The following MCTP1 variants were observed in gnomAD, a reference collection of about 807,000 sequenced individuals.
MCTP1 encodes multiple C2 and transmembrane domain containing 1, also known as multiple C2 and transmembrane domain-containing protein 1.
Under a neutral mutation model 120.6 loss-of-function variants are expected in MCTP1, and 69 were observed. That is an observed-to-expected ratio of 0.57 (90% CI 0.47 to 0.70). MCTP1 has a LOEUF of 0.70. Among genes scored for constraint, MCTP1 ranks in the 30% least tolerant of loss-of-function variants. The pLI is 0.00. For synonymous variants in MCTP1, 529 were observed against 493.1 expected, an observed-to-expected ratio of 1.07 and a Z score of -0.96; for missense variants, 1,203 against 1,248.8, an observed-to-expected ratio of 0.96 and a Z score of 0.55.
chr5:94,763,713 G>T (rs1771882621), intron 19 of MCTP1, among the ~76,000 whole-genome samples: 1 of 152,006 alleles, frequency 6.6e-6, no homozygotes, highest in African/African-American at 2.4e-5. Context: ...TGGAACAAAA[G>T]CATCATTTTT....
chr5:94,828,769 C>T (rs2153145282), intron 17 of MCTP1, among the ~76,000 whole-genome samples: 1 of 152,260 alleles, frequency 6.6e-6, no homozygotes, highest in Middle Eastern at 3.4e-3. Context: ...GGTACTCAAG[C>T]CTCAGCAATG....
chr5:95,144,786 C>T (rs1402963162), intron 1 of MCTP1, among the ~76,000 whole-genome samples: 1 of 151,754 alleles, frequency 6.6e-6, no homozygotes. Flanking sequence ...TATAATAGTC[C>T]CATGCTGTTT....
At chr5:95,225,063 GA>G (rs886640529) in intron 1 of MCTP1, among the ~76,000 whole-genome samples, 3 of 152,012 alleles carry the variant, frequency 2.0e-5, no homozygotes, top group African/African-American at 7.2e-5. Context: ...CAACCACAGA[GA>G]TTTTTTTTCT....
chr5:95,112,773 A>G (rs2152391331), intron 1 of MCTP1, among the ~76,000 whole-genome samples: 1 of 152,344 alleles, frequency 6.6e-6, no homozygotes, highest in African/African-American at 2.4e-5. Context: ...TTCATCTTAG[A>G]GTCAATGAAA....
chr5:95,284,461 C>A lies in MCTP1; in HGVS notation c.115G>T (p.Gly39Trp). The change falls in exon 1 of 23, where the codon GGG (glycine) becomes TGG (tryptophan). Residue 39 changes from glycine to tryptophan, a missense_variant. Gly to Trp is a radical substitution (Grantham distance 184). Transcript: ENST00000515393. The surrounding 1 kb of genome is among the most constrained non-coding windows in gnomAD (Gnocchi z 5.2). The stretch of plus-strand genomic sequence containing the variant: ...TCTGGACCCCCAGCGCGCCCGCCCC[C>A]GCCGCCCTTGCTCCTGCCCACCCCC... ...QLGVGRSKGG[G>W]GGRAGGPERR... 2 of 1,514,142 alleles carry A rather than the reference C, an allele frequency of 1.3e-6. No homozygotes were observed. The highest frequency in any genetic ancestry group is 1.8e-6 in the Non-Finnish European group (2 of 1,138,816). 93.8% of individuals were successfully genotyped at this position (1,514,142 alleles called of 1,614,324 possible). A position where few individuals can be genotyped will look rare whatever the true frequency, so the allele number is the denominator to read the frequency against.
At chr5:95,119,488 A>T (rs2152404116) in intron 1 of MCTP1, among the ~76,000 whole-genome samples, 1 of 152,270 alleles carries the variant, frequency 6.6e-6, no homozygotes, top group Admixed American at 6.5e-5. Flanking sequence ...AGCAAGAGCA[A>T]ACCAAACCCA....
intron 1 of MCTP1, among the ~76,000 whole-genome samples, chr5:95,149,058 C>T (rs1313191257): frequency 6.6e-6 from 1 of 152,176 alleles, no homozygotes; most frequent in African/African-American, 2.4e-5. Flanking sequence ...TTTTGTATTC[C>T]AGTGTTTGCT....
At position 94,707,185 on chromosome 5, in the gene MCTP1, A is replaced by AGTATTTAAT. The variant is rs1430139391; in HGVS notation, c.*310_*311insATTAAATAC. 6 of 220,332 alleles carry AGTATTTAAT rather than the reference A, an allele frequency of 2.7e-5. No homozygotes were observed. The highest frequency in any genetic ancestry group is 1.4e-4 in the African/African-American group (6 of 43,352). The allele number at this position is 220,332 out of a possible 1,614,324, so 13.6% of individuals were successfully genotyped here. A position where few individuals can be genotyped will look rare whatever the true frequency, so the allele number is the denominator to read the frequency against. Reference sequence around the variant, plus strand: ...CAGAGCACAGGTGAGTATTTAATCCACTAGTAATTAGATAAGAATATATCT... The same window carrying AGTATTTAAT: ...CAGAGCACAGGTGAGTATTTAATCCAGTATTTAATCTAGTAATTAGATAAGAATATATCT... On this transcript the variant is annotated 3_prime_UTR_variant, in exon 23 of 23. Coordinates refer to ENST00000515393, the MANE Select transcript of MCTP1 (RefSeq NM_024717.7).
intron 1 of MCTP1, among the ~76,000 whole-genome samples, chr5:95,265,499 G>A (rs1051564079): frequency 1.8e-4 from 28 of 152,244 alleles, no homozygotes; most frequent in East Asian, 5.8e-4. Context: ...CTTTCTTCAC[G>A]GTGATTTCAG....
At chr5:94,935,633 A>T (rs1224035985) in intron 5 of MCTP1, among the ~76,000 whole-genome samples, 1 of 152,094 alleles carries the variant, frequency 6.6e-6, no homozygotes, top group Non-Finnish European at 1.5e-5. Flanking sequence ...CACAGGCATA[A>T]GAATAAACAT....
chr5:95,177,812 A>G (rs147080197), intron 1 of MCTP1, among the ~76,000 whole-genome samples: 3 of 152,324 alleles, frequency 2.0e-5, no homozygotes, highest in Non-Finnish European at 4.4e-5. Context: ...TTGAGATCAT[A>G]TAAGGAATTA....
At chr5:94,779,688 CCTCT>C (rs1345765474) in intron 18 of MCTP1, among the ~76,000 whole-genome samples, 2 of 152,048 alleles carry the variant, frequency 1.3e-5, no homozygotes, top group South Asian at 2.1e-4. Context: ...TCAAGTCTTG[CCTCT>C]CTCTTTTTGA....
intron 1 of MCTP1, among the ~76,000 whole-genome samples, chr5:95,221,386 C>T (rs939656641): frequency 6.6e-6 from 1 of 152,188 alleles, no homozygotes; most frequent in Non-Finnish European, 1.5e-5. Flanking sequence ...TTGGGCAGAG[C>T]CATCTGTCTG....
chr5:94,882,823 C>T (rs755160629), intron 12 of MCTP1, among the ~76,000 whole-genome samples: 5 of 152,154 alleles, frequency 3.3e-5, no homozygotes, highest in Non-Finnish European at 5.9e-5. Flanking sequence ...TTTTGTCATC[C>T]CACCTATTCT....
At chr5:95,105,909 T>C (rs1158775680) in intron 1 of MCTP1, among the ~76,000 whole-genome samples, 1 of 152,200 alleles carries the variant, frequency 6.6e-6, no homozygotes. Context: ...CCATGTGTTA[T>C]AGGTTTCGAG....
At chr5:94,864,258 ACATGC>A (rs1484172287) in intron 17 of MCTP1, among the ~76,000 whole-genome samples, 1 of 151,904 alleles carries the variant, frequency 6.6e-6, no homozygotes, top group Non-Finnish European at 1.5e-5. Context: ...AAACATTCAA[ACATGC>A]CGTTTTTGGA....
At chr5:95,071,009 A>T (rs920090336) in intron 1 of MCTP1, among the ~76,000 whole-genome samples, 1 of 152,148 alleles carries the variant, frequency 6.6e-6, no homozygotes, top group African/African-American at 2.4e-5. Flanking sequence ...CAAGATGAGG[A>T]GGCAGGAAAT....
At chr5:94,770,365 G>T (rs1037862437) in intron 19 of MCTP1, among the ~76,000 whole-genome samples, 1 of 152,192 alleles carries the variant, frequency 6.6e-6, no homozygotes, top group Non-Finnish European at 1.5e-5. Context: ...ATTCACTGCT[G>T]CAATACAGAA....
chr5:94,918,329 A>C (rs984663914), intron 7 of MCTP1, among the ~76,000 whole-genome samples: 5 of 152,224 alleles, frequency 3.3e-5, no homozygotes, highest in African/African-American at 1.2e-4. Flanking sequence ...AATTGTTTCC[A>C]AGTCTGCTGC....
Sources: gnomAD v4.1 joint callset for allele counts (sites outside exome capture counted in the v4.1 genomes callset) on GRCh38, gnomAD v4.1.1 for gene constraint, Gnocchi (gnomAD v3.1) non-coding constraint, MANE v1.5 for transcripts, NCBI Gene and HGNC (gene_info 2026-07-23, HGNC 2026-07-21) for gene names.